The following SLC71A2 variants were observed in gnomAD, a reference collection of about 807,000 sequenced individuals.
SLC71A2 encodes hippocampus abundant transcript-like 1.
At chr9:94,387,507 A>G in the SLC71A2 span, among the ~76,000 whole-genome samples, 5 of 152,106 alleles carry the variant, frequency 3.3e-5, no homozygotes, top group Non-Finnish European at 5.9e-5. Flanking sequence ...TGACTCATCA[A>G]TTCTCATGAT....
chr9:94,377,600 C>T, the SLC71A2 span, among the ~76,000 whole-genome samples: 1 of 145,862 alleles, frequency 6.9e-6, no homozygotes, highest in Non-Finnish European at 1.5e-5. Flanking sequence ...CCAAGCTGGT[C>T]TCAAACTCCT....
At chr9:94,438,496 C>T in the SLC71A2 span, 1 of 1,613,730 alleles carries the variant, frequency 6.2e-7, no homozygotes, top group South Asian at 1.1e-5. Context: ...TCTTTACCTG[C>T]TTCCCAATCC....
At chr9:94,455,183 A>ATTTTTCTTTTTTTTTTTTTT in the SLC71A2 span, among the ~76,000 whole-genome samples, 1 of 20,526 alleles carries the variant, frequency 4.9e-5, no homozygotes, top group Non-Finnish European at 7.1e-5. Flanking sequence ...TTTTTTTTTG[A>ATTTTTCTTTTTTTTTTTTTT]GAGAGAGAGG....
the SLC71A2 span, among the ~76,000 whole-genome samples, chr9:94,408,074 T>C: frequency 4.6e-5 from 7 of 152,202 alleles, no homozygotes; most frequent in East Asian, 1.4e-3. Context: ...GAAATTAAAC[T>C]CAATCATAGG....
the SLC71A2 span, among the ~76,000 whole-genome samples, chr9:94,405,935 CTTTATG>C: frequency 5.3e-5 from 8 of 150,098 alleles, no homozygotes; most frequent in Admixed American, 1.3e-4. Context: ...CATGGGATGT[CTTTATG>C]TTTATTTATA....
chr9:94,391,288 G>C, the SLC71A2 span, among the ~76,000 whole-genome samples: 1 of 151,234 alleles, frequency 6.6e-6, no homozygotes, highest in Non-Finnish European at 1.5e-5. Flanking sequence ...ACTTGAGCCT[G>C]GGAGGTTGAG....
At chr9:94,397,489 A>G in the SLC71A2 span, among the ~76,000 whole-genome samples, 3 of 8,600 alleles carry the variant, frequency 3.5e-4, no homozygotes, top group Non-Finnish European at 6.8e-4. Context: ...AGTGTTTGGA[A>G]AAAAAAAAAG....
the SLC71A2 span, among the ~76,000 whole-genome samples, chr9:94,419,361 T>A: frequency 6.6e-6 from 1 of 151,560 alleles, no homozygotes; most frequent in African/African-American, 2.4e-5. Flanking sequence ...GTGGCGGATC[T>A]TGGCTCACTG....
At chr9:94,419,756 T>G in the SLC71A2 span, among the ~76,000 whole-genome samples, 1 of 152,302 alleles carries the variant, frequency 6.6e-6, no homozygotes, top group Admixed American at 6.5e-5. Flanking sequence ...TTTGATTTTT[T>G]TCTCACCTTG....
chr9:94,422,715 C>T, the SLC71A2 span, among the ~76,000 whole-genome samples: 1 of 152,206 alleles, frequency 6.6e-6, no homozygotes, highest in East Asian at 1.9e-4. Flanking sequence ...ACCCCCTTTA[C>T]GTATAACATA....
the SLC71A2 span, chr9:94,440,970 A>G: frequency 6.5e-7 from 1 of 1,545,816 alleles, no homozygotes; most frequent in Non-Finnish European, 8.9e-7. Context: ...GGTCATTAAA[A>G]TAATCTTTTT....
the SLC71A2 span, among the ~76,000 whole-genome samples, chr9:94,386,531 T>C: frequency 6.6e-6 from 1 of 152,104 alleles, no homozygotes; most frequent in East Asian, 1.9e-4. Flanking sequence ...ATGCATGTGC[T>C]TATCAGTACC....
chr9:94,442,241 T>C, the SLC71A2 span, among the ~76,000 whole-genome samples: 2 of 152,200 alleles, frequency 1.3e-5, no homozygotes, highest in African/African-American at 4.8e-5. Context: ...CATTCATTGC[T>C]GACTGAATGA....
the SLC71A2 span, among the ~76,000 whole-genome samples, chr9:94,414,722 G>A: frequency 6.6e-6 from 1 of 152,058 alleles, no homozygotes; most frequent in African/African-American, 2.4e-5. Flanking sequence ...TGCAGTGGCG[G>A]GATTTCGGCT....
the SLC71A2 span, among the ~76,000 whole-genome samples, chr9:94,431,623 T>C: frequency 6.6e-6 from 1 of 152,004 alleles, no homozygotes; most frequent in Admixed American, 6.6e-5. Flanking sequence ...CAAAGGCTAC[T>C]GAGAACACTG....
the SLC71A2 span, among the ~76,000 whole-genome samples, chr9:94,452,110 T>C: frequency 6.6e-6 from 1 of 152,248 alleles, no homozygotes; most frequent in Non-Finnish European, 1.5e-5. Context: ...AATTATTTTA[T>C]TTGCTTTTAC....
chr9:94,417,844 C>T, the SLC71A2 span, among the ~76,000 whole-genome samples: 1 of 111,404 alleles, frequency 9.0e-6, no homozygotes, highest in African/African-American at 3.2e-5. Context: ...TCCTTATAGG[C>T]AAGTTCCCAC....
the SLC71A2 span, among the ~76,000 whole-genome samples, chr9:94,431,528 T>C: frequency 4.6e-5 from 7 of 151,150 alleles, no homozygotes; most frequent in Admixed American, 4.0e-4. Flanking sequence ...TTTTTTTTTA[T>C]AGCTGTATGT....
At chr9:94,449,534 A>G in the SLC71A2 span, among the ~76,000 whole-genome samples, 1 of 152,208 alleles carries the variant, frequency 6.6e-6, no homozygotes, top group Non-Finnish European at 1.5e-5. Context: ...TCACACCAAC[A>G]ATGAGATAAC....
Sources: allele counts gnomAD v4.1 joint callset (sites outside exome capture counted in the v4.1 genomes callset), GRCh38; gene constraint gnomAD v4.1.1; transcripts MANE v1.5; gene names NCBI Gene and HGNC (gene_info 2026-07-23, HGNC 2026-07-21).